The following WASF1 variants were observed in gnomAD, a reference collection of about 807,000 sequenced individuals.
WASF1 encodes the protein actin-binding protein WASF1.
In WASF1, 7 loss-of-function variants were observed where a neutral mutation model predicts 50.5. The observed-to-expected ratio is 0.14, with a 90% CI of 0.08 to 0.26. WASF1 has a LOEUF of 0.26. WASF1 is among the 10% of genes least tolerant of loss of function. The pLI is 1.00. For synonymous variants in WASF1, 205 were observed against 244.0 expected, an observed-to-expected ratio of 0.84 and a Z score of 1.49; for missense variants, 470 against 694.7, an observed-to-expected ratio of 0.68 and a Z score of 3.64.
chr6:110,153,679 G>A (rs1775924021), intron 3 of WASF1, among the ~76,000 whole-genome samples: 1 of 152,004 alleles, frequency 6.6e-6, no homozygotes, highest in South Asian at 2.1e-4. Context: ...TGAGGTGGGA[G>A]GATCGCTTGA....
intron 5 of WASF1, among the ~76,000 whole-genome samples, chr6:110,112,899 A>AC (rs1431784533): frequency 1.0e-4 from 15 of 148,852 alleles, no homozygotes; most frequent in African/African-American, 3.8e-4. Flanking sequence ...TGTCTCAAAA[A>AC]AAAAAAAAAA....
chr6:110,174,866 G>A (rs1776859010), intron 2 of WASF1, among the ~76,000 whole-genome samples: 1 of 152,044 alleles, frequency 6.6e-6, no homozygotes. Flanking sequence ...TTTCCACATG[G>A]AACAGAATGA....
At chr6:110,163,461 C>T (rs1277563198) in intron 2 of WASF1, among the ~76,000 whole-genome samples, 1 of 151,406 alleles carries the variant, frequency 6.6e-6, no homozygotes, top group African/African-American at 2.4e-5. Flanking sequence ...CGAGAGAGTG[C>T]TATGGGGACT....
At chr6:110,146,511 A>G (rs1233271210) in intron 3 of WASF1, among the ~76,000 whole-genome samples, 7 of 151,722 alleles carry the variant, frequency 4.6e-5, no homozygotes, top group Non-Finnish European at 8.8e-5. Flanking sequence ...GAAGAACTGT[A>G]CATTAAAAAT....
At chr6:110,138,425 T>C (rs1016591249) in intron 3 of WASF1, among the ~76,000 whole-genome samples, 4 of 152,250 alleles carry the variant, frequency 2.6e-5, no homozygotes, top group Admixed American at 1.3e-4. Flanking sequence ...GTGAGGATCA[T>C]GTTTCAGCTC....
rs1281486054 is a variant in WASF1, at chr6:110,124,212, TCTCTC to T, written c.133+3252_133+3256del. On this transcript the variant is annotated intron_variant, in intron 4 of 10. Transcript: ENST00000392589. ...CAGCGTCTCTCTCTCTCTCTCTCTCTCTCTCCTCTCTCTCCTCTCTCTCCTCTCTC... is the reference window on the plus strand; with the variant it reads ...CAGCGTCTCTCTCTCTCTCTCTCTCTCTCTCTCTCCTCTCTCTCCTCTCTC... Among the ~76,000 whole-genome samples the T allele has an allele frequency of 6.4e-3, 486 of 75,350 alleles. 39 individuals are homozygous for T. The highest frequency in any genetic ancestry group is 0.031 in the African/African-American group (403 of 12,994). The allele number at this position is 75,350 out of a possible 152,430, so 49.4% of individuals were successfully genotyped here.
chr6:110,124,260 C>CTT (rs1562170366), intron 4 of WASF1, among the ~76,000 whole-genome samples: 1 of 59,992 alleles, frequency 1.7e-5, no homozygotes, highest in Non-Finnish European at 2.9e-5. Context: ...CTCTCTCTCT[C>CTT]TCTCTCTCTC....
intron 4 of WASF1, among the ~76,000 whole-genome samples, chr6:110,124,226 C>CTCTCTCTCTCTCTCT (rs1195590873): frequency 3.3e-5 from 2 of 60,620 alleles, no homozygotes; most frequent in Non-Finnish European, 5.5e-5. Flanking sequence ...TCCTCTCTCT[C>CTCTCTCTCTCTCTCT]CTCTCTCTCC....
chr6:110,167,215 A>G (rs973282632), intron 2 of WASF1, among the ~76,000 whole-genome samples: 2 of 151,904 alleles, frequency 1.3e-5, no homozygotes, highest in Non-Finnish European at 2.9e-5. Context: ...ATAATACTTG[A>G]TAATAATAAA....
intron 3 of WASF1, among the ~76,000 whole-genome samples, chr6:110,133,375 A>G (rs1562174580): frequency 1.3e-5 from 2 of 151,568 alleles, no homozygotes; most frequent in Admixed American, 6.6e-5. Flanking sequence ...TTTTTTATAT[A>G]ATGCCTTCTT....
intron 2 of WASF1, among the ~76,000 whole-genome samples, chr6:110,178,120 AT>A (rs1158918587): frequency 2.6e-5 from 4 of 152,134 alleles, no homozygotes; most frequent in African/African-American, 9.6e-5. Context: ...GGAATGACTG[AT>A]ATGATGGTTA....
At chr6:110,175,219 G>A (rs561432067) in intron 2 of WASF1, among the ~76,000 whole-genome samples, 15 of 152,072 alleles carry the variant, frequency 9.9e-5, no homozygotes, top group Admixed American at 2.6e-4. Context: ...GACTGGATAT[G>A]ATCTTTCTTC....
At chr6:110,133,210 T>C (rs994673500) in intron 3 of WASF1, among the ~76,000 whole-genome samples, 3 of 152,128 alleles carry the variant, frequency 2.0e-5, no homozygotes, top group African/African-American at 7.2e-5. Context: ...ACATACTACA[T>C]ACATCCATAT....
chr6:110,172,699 T>C (rs558343430), intron 2 of WASF1, among the ~76,000 whole-genome samples: 1 of 152,264 alleles, frequency 6.6e-6, no homozygotes, highest in Admixed American at 6.5e-5. Context: ...TCAAATACCA[T>C]ATTTTCTCAT....
rs777558489 is a variant in WASF1 at position 110,101,641 on chromosome 6, G to A, written c.1469C>T (p.Thr490Ile). The change falls in exon 10 of 11, where the codon ACC becomes ATC. Residue 490 changes from threonine to isoleucine, a missense_variant. Physicochemically the swap from Thr to Ile is moderately conservative, Grantham distance 89 (BLOSUM62 -1). Coordinates refer to ENST00000392589, the MANE Select transcript of WASF1 (RefSeq NM_003931.3). ...PASEPKRHPS[T>I]LPVISDARSV... ...CCTGGCATCACTGATTACAGGTAGG[G>A]TTGATGGATGGCGCTTTGGCTCAGA... 3 of 1,614,022 alleles carry A rather than the reference G, an allele frequency of 1.9e-6. No individual in the cohort carries two copies. The highest frequency in any genetic ancestry group is 1.7e-4 in the Middle Eastern group (1 of 6,048).
chr6:110,115,839 A>C (rs937690967), intron 4 of WASF1, among the ~76,000 whole-genome samples: 3 of 152,232 alleles, frequency 2.0e-5, no homozygotes, highest in African/African-American at 4.8e-5. Flanking sequence ...GTTTTGCATG[A>C]CCTCACAGGG....
intron 3 of WASF1, among the ~76,000 whole-genome samples, chr6:110,146,621 A>G (rs906120475): frequency 1.3e-5 from 2 of 152,068 alleles, no homozygotes; most frequent in Non-Finnish European, 2.9e-5. Context: ...AATATAAAAT[A>G]TATTTGCAAG....
intron 10 of WASF1, 76 bp downstream of exon 10, chr6:110,101,512 C>T: frequency 6.6e-7 from 1 of 1,511,548 alleles, no homozygotes; most frequent in African/African-American, 1.4e-5. Flanking sequence ...AGATAAGGAA[C>T]ACATTTTTGT....
intron 4 of WASF1, 59 bp downstream of exon 4, chr6:110,127,410 A>T: frequency 7.1e-7 from 1 of 1,412,200 alleles, no homozygotes; most frequent in Non-Finnish European, 9.4e-7. Flanking sequence ...ACAACTTCTT[A>T]ATACGCTAAA....
Sources: allele counts gnomAD v4.1 joint callset (sites outside exome capture counted in the v4.1 genomes callset), GRCh38; gene constraint gnomAD v4.1.1; transcripts MANE v1.5; gene names NCBI Gene and HGNC (gene_info 2026-07-23, HGNC 2026-07-21).